The following PAPSS1 variants were observed in gnomAD, a reference collection of about 807,000 sequenced individuals.
PAPSS1 encodes the protein bifunctional 3'-phosphoadenosine 5'-phosphosulfate synthase 1.
Under a neutral mutation model 72.0 loss-of-function variants are expected in PAPSS1, and 50 were observed. The ratio of observed to expected loss-of-function variants is 0.69; its 90% CI spans 0.55 to 0.88. The LOEUF is 0.88. Among genes scored for constraint, PAPSS1 ranks in the 40% least tolerant of loss-of-function variants. PAPSS1 has a pLI of 0.00. For synonymous variants in PAPSS1, 261 were observed against 263.6 expected (o/e 0.99, Z 0.09); for missense variants, 657 against 782.2 (o/e 0.84, Z 1.91).
chr4:107,660,308 C>T (rs957634216), intron 5 of PAPSS1, among the ~76,000 whole-genome samples: 1 of 152,066 alleles, frequency 6.6e-6, no homozygotes, highest in African/African-American at 2.4e-5. Context: ...CTAAAATATA[C>T]TACATATGTC....
At chr4:107,633,389 C>A (rs552297502) in intron 10 of PAPSS1, among the ~76,000 whole-genome samples, 1 of 152,248 alleles carries the variant, frequency 6.6e-6, no homozygotes, top group South Asian at 2.1e-4. Flanking sequence ...CTATTTTAAT[C>A]CCCTTTTTGC....
chr4:107,672,086 T>C (rs1241224922), intron 5 of PAPSS1, among the ~76,000 whole-genome samples: 6 of 151,988 alleles, frequency 3.9e-5, no homozygotes, highest in Non-Finnish European at 8.8e-5. Flanking sequence ...TGGAGGTGGG[T>C]GGTGCCAAGA....
At chr4:107,646,052 C>T (rs758263819) in intron 9 of PAPSS1, among the ~76,000 whole-genome samples, 1 of 152,102 alleles carries the variant, frequency 6.6e-6, no homozygotes, top group Non-Finnish European at 1.5e-5. Flanking sequence ...AAGTTCCTCA[C>T]GTTACCTTTA....
intron 5 of PAPSS1, among the ~76,000 whole-genome samples, chr4:107,675,223 C>CA (rs1334940367): frequency 6.6e-6 from 1 of 151,968 alleles, no homozygotes; most frequent in African/African-American, 2.4e-5. Context: ...AAAAACTCTT[C>CA]AAAAAAATCA....
At chr4:107,659,825 GAC>G in intron 6 of PAPSS1, 132 bp downstream of exon 6, 1 of 574,350 alleles carries the variant, frequency 1.7e-6, no homozygotes, top group Middle Eastern at 3.4e-4. Context: ...TAGAAATTGT[GAC>G]ATATACCACA....
intron 1 of PAPSS1, among the ~76,000 whole-genome samples, chr4:107,710,663 T>G (rs559385368): frequency 1.3e-5 from 2 of 152,286 alleles, no homozygotes; most frequent in South Asian, 4.2e-4. Flanking sequence ...CTTGACTGCT[T>G]AGTCCAGCAG....
intron 1 of PAPSS1, among the ~76,000 whole-genome samples, chr4:107,704,785 T>C (rs929635017): frequency 5.3e-5 from 8 of 152,038 alleles, no homozygotes; most frequent in African/African-American, 1.5e-4. Flanking sequence ...ACCCCGTCTC[T>C]ACTAAAAATA....
At position 107,701,255 on chromosome 4, in the gene PAPSS1, G is replaced by C. The variant is rs759886622; in HGVS notation, c.91C>G (p.Gln31Glu). Residue 31 changes from glutamine (Q) to glutamate (E), a missense_variant, in exon 2 of 12, where the codon CAA becomes GAA. Coordinates refer to ENST00000265174, the MANE Select transcript of PAPSS1 (RefSeq NM_005443.5). ...TTGTTCCTGCTGACATGATGGGCTT[G>C]GTAGGTGACATTGGTTGCTCTCTGC... ...GMQRATNVTY[Q>E]AHHVSRNKRG... 1.2e-6 allele frequency: 2 copies of C among 1,613,172 alleles called. No homozygotes were observed. Among genetic ancestry groups the C allele is most frequent in the Non-Finnish European group, 1.7e-6 (2 of 1,179,616 alleles).
chr4:107,710,960 C>A (rs571702614), intron 1 of PAPSS1, among the ~76,000 whole-genome samples: 138 of 152,344 alleles, frequency 9.1e-4, no homozygotes, highest in African/African-American at 3.2e-3. Flanking sequence ...TATATACCTG[C>A]GCTGTAAACT....
At chr4:107,717,081 TAA>T (rs67961519) in intron 1 of PAPSS1, among the ~76,000 whole-genome samples, 4,761 of 148,086 alleles carry the variant, frequency 0.032, 269 homozygotes, top group African/African-American at 0.11. Context: ...GTACTAACTG[TAA>T]AAAAAAAAAA....
At chr4:107,644,237 A>T (rs1726634485) in intron 10 of PAPSS1, among the ~76,000 whole-genome samples, 1 of 152,182 alleles carries the variant, frequency 6.6e-6, no homozygotes, top group Non-Finnish European at 1.5e-5. Flanking sequence ...ACAGCAGAAG[A>T]AAGCAAGCCA....
At chr4:107,674,863 C>G (rs190807219) in intron 5 of PAPSS1, among the ~76,000 whole-genome samples, 112 of 152,286 alleles carry the variant, frequency 7.4e-4, no homozygotes, top group Admixed American at 1.5e-3. Flanking sequence ...CAAACTAGAA[C>G]TCAGGATTAA....
intron 10 of PAPSS1, among the ~76,000 whole-genome samples, chr4:107,639,965 T>G (rs544378954): frequency 1.6e-4 from 24 of 152,328 alleles, no homozygotes; most frequent in African/African-American, 5.8e-4. Context: ...GTAATTTTCA[T>G]AGCAAAGGAT....
At chr4:107,640,661 G>T (rs796212738) in intron 10 of PAPSS1, among the ~76,000 whole-genome samples, 8 of 152,200 alleles carry the variant, frequency 5.3e-5, no homozygotes, top group African/African-American at 1.9e-4. Flanking sequence ...TTCCTAAGCA[G>T]CTCAATCCAA....
At chr4:107,674,334 G>A (rs540715358) in intron 5 of PAPSS1, among the ~76,000 whole-genome samples, 10 of 152,248 alleles carry the variant, frequency 6.6e-5, no homozygotes, top group African/African-American at 2.4e-4. Flanking sequence ...AGGGATGGAG[G>A]AAGATCTACC....
chr4:107,703,149 A>G (rs72885250), intron 1 of PAPSS1, among the ~76,000 whole-genome samples: 4,782 of 152,176 alleles, frequency 0.031, 274 homozygotes, highest in African/African-American at 0.11. Flanking sequence ...CCTGTTGGCT[A>G]TTTGTCTATC....
In PAPSS1 at chr4:107,718,688, C is replaced by T. The variant is rs1386595414; in HGVS notation, c.60+1432G>A. On this transcript the variant is annotated intron_variant, in intron 1 of 11. Transcript: ENST00000265174. ...CTAGCACAAGTCTCTACATAGAATA[C>T]GCACCATGTGGCAAATGTTAATAAA... 2.6e-5 allele frequency among the ~76,000 whole-genome samples: 4 copies of T among 152,326 alleles called. No homozygotes were observed. The East Asian group carries it at 5.8e-4, about 22-fold the overall frequency.
At chr4:107,696,411 A>T (rs1445199474) in intron 2 of PAPSS1, among the ~76,000 whole-genome samples, 1 of 152,214 alleles carries the variant, frequency 6.6e-6, no homozygotes, top group African/African-American at 2.4e-5. Flanking sequence ...GAATGAGATC[A>T]TGTCGTCTGC....
Position 107,693,767 on chromosome 4 carries a change from A to G in PAPSS1, c.411+4T>C. The G allele has an allele frequency of 6.2e-7, 1 of 1,603,610 alleles. No homozygotes were observed. Among genetic ancestry groups the G allele is most frequent in the East Asian group, 2.2e-5 (1 of 44,818 alleles). On this transcript the variant is annotated splice_donor_region_variant and intron_variant, in intron 3 of 11. Coordinates refer to ENST00000265174, the MANE Select transcript of PAPSS1 (RefSeq NM_005443.5). ...AGAAAGGCAATGGCACAAAAACCAC[A>G]TACCTGAGTGTAAGGTGATATGAAA...
Sources: gnomAD v4.1 joint callset for allele counts (sites outside exome capture counted in the v4.1 genomes callset) on GRCh38, gnomAD v4.1.1 for gene constraint, MANE v1.5 for transcripts, NCBI Gene and HGNC (gene_info 2026-07-23, HGNC 2026-07-21) for gene names.